The following EPC2 variants were observed in gnomAD, a reference collection of about 807,000 sequenced individuals.
EPC2 encodes enhancer of polycomb homolog 2.
A neutral mutation model predicts 92.1 loss-of-function variants in EPC2; 14 were observed. That is an observed-to-expected ratio of 0.15 (90% CI 0.10 to 0.24). EPC2 has a LOEUF of 0.24. EPC2 is among the 10% of genes least tolerant of loss of function. The pLI, the probability that EPC2 is intolerant of heterozygous loss-of-function variation, is 1.00. For missense variants in EPC2, 755 were observed against 971.5 expected, an observed-to-expected ratio of 0.78 and a Z score of 2.96; for synonymous variants, 340 against 334.7, an observed-to-expected ratio of 1.02 and a Z score of -0.17.
At chr2:148,673,575 A>G (rs1298608637) in intron 1 of EPC2, among the ~76,000 whole-genome samples, 1 of 151,962 alleles carries the variant, frequency 6.6e-6, no homozygotes, top group Non-Finnish European at 1.5e-5. Flanking sequence ...TTATACATTA[A>G]TCATTTTTCT....
intron 1 of EPC2, among the ~76,000 whole-genome samples, chr2:148,688,341 A>G (rs528010240): frequency 6.6e-6 from 1 of 152,220 alleles, no homozygotes; most frequent in South Asian, 2.1e-4. Flanking sequence ...GTGCTCACTC[A>G]TAGGTGGGAA....
chr2:148,662,768 G>A (rs1354052931), intron 1 of EPC2, among the ~76,000 whole-genome samples: 5 of 151,720 alleles, frequency 3.3e-5, no homozygotes, highest in East Asian at 1.9e-4. Flanking sequence ...ACATACATAC[G>A]TAACAAACCT....
At position 148,762,770 on chromosome 2, in the gene EPC2, A is replaced by T. The variant is rs974354447; in HGVS notation, c.916A>T (p.Asn306Tyr). 1 of 1,609,474 alleles carries T rather than the reference A, an allele frequency of 6.2e-7. No individual in the cohort carries two copies. Among genetic ancestry groups the T allele is most frequent in the Non-Finnish European group, 8.5e-7 (1 of 1,178,512 alleles). ...YATPATLHNGNHHKVQECKTK... is the reference protein window; with the variant it reads ...YATPATLHNGYHHKVQECKTK... ...CACTCCAGCAACTCTTCATAATGGA[A>T]ATCATCACAAAGTTCAAGAATGTAA... The change falls in exon 6 of 14, where the codon AAT (asparagine) becomes TAT (tyrosine). Residue 306 changes from asparagine to tyrosine, a missense_variant. Physicochemically the swap from Asn to Tyr is moderately radical, Grantham distance 143 (BLOSUM62 -2). This residue lies in a region of EPC2 where 509 missense variants were observed against 607.7 expected (regional missense o/e 0.84). Coordinates refer to ENST00000258484, the MANE Select transcript of EPC2 (RefSeq NM_015630.4).
chr2:148,780,638 C>G (rs908998908), intron 10 of EPC2, among the ~76,000 whole-genome samples: 1 of 152,074 alleles, frequency 6.6e-6, no homozygotes, highest in Non-Finnish European at 1.5e-5. Context: ...CTTATTTTCC[C>G]CTATATTCAC....
intron 1 of EPC2, among the ~76,000 whole-genome samples, chr2:148,646,997 C>G (rs149302025): frequency 0.014 from 2,106 of 152,124 alleles, 27 homozygotes; most frequent in Non-Finnish European, 0.02. Context: ...GTAATACCAG[C>G]TACTCGGGAG....
At chr2:148,703,506 G>C (rs1681929657) in intron 2 of EPC2, among the ~76,000 whole-genome samples, 1 of 151,988 alleles carries the variant, frequency 6.6e-6, no homozygotes, top group African/African-American at 2.4e-5. Context: ...AGTGAGGCCT[G>C]AAAAATGAGG....
rs1683895959 is a variant in EPC2 at position 148,787,553 on chromosome 2, A to G, written c.*1176A>G. 1 of 152,670 alleles carries G rather than the reference A, an allele frequency of 6.6e-6. No homozygotes were observed. Among genetic ancestry groups the G allele is most frequent in the Admixed American group, 6.5e-5 (1 of 15,280 alleles). The allele number at this position is 152,670 out of a possible 1,614,324, so 9.5% of individuals were successfully genotyped here. A position where few individuals can be genotyped will look rare whatever the true frequency, so the allele number is the denominator to read the frequency against. ...AGTGAAAACTGCAGGGAAATAAAAA[A>G]TACATATCAAAACATGGACATGCTG... On this transcript the variant is annotated 3_prime_UTR_variant, in exon 14 of 14. Transcript: ENST00000258484.
At chr2:148,658,779 C>CT (rs1680870801) in intron 1 of EPC2, among the ~76,000 whole-genome samples, 1 of 151,578 alleles carries the variant, frequency 6.6e-6, no homozygotes, top group African/African-American at 2.4e-5. Context: ...ATATTACTTA[C>CT]TACTTATGCA....
intron 4 of EPC2, among the ~76,000 whole-genome samples, chr2:148,756,020 T>C (rs1344921808): frequency 1.3e-5 from 2 of 152,262 alleles, no homozygotes; most frequent in African/African-American, 2.4e-5. Flanking sequence ...GGGTATGGAA[T>C]ACTTAAGATT....
chr2:148,766,037 AAAAC>A (rs964997831), intron 7 of EPC2, among the ~76,000 whole-genome samples: 6 of 152,246 alleles, frequency 3.9e-5, no homozygotes, highest in Admixed American at 1.3e-4. Context: ...CGACGTCTCA[AAAAC>A]AAACAAGCAA....
At position 148,762,725 on chromosome 2, in the gene EPC2, T is replaced by C. The variant is rs1467752391; in HGVS notation, c.871T>C (p.Ser291Pro). The change falls in exon 6 of 14, where the codon TCA (serine) becomes CCA (proline). Residue 291 changes from serine (S) to proline (P), a missense_variant. This residue lies in a region of EPC2 where 509 missense variants were observed against 607.7 expected (regional missense o/e 0.84). Coordinates refer to ENST00000258484, the MANE Select transcript of EPC2 (RefSeq NM_015630.4). ...CCTTAATGAAGTAAAAATCAGTAGA[T>C]CAGAAAAAGAGTTATATGCCACTCC... is the stretch of plus-strand genomic sequence containing the variant. ...EILNEVKISR[S>P]EKELYATPAT... The C allele has an allele frequency of 1.7e-5, 28 of 1,610,472 alleles. No individual in the cohort carries two copies. The highest frequency in any genetic ancestry group is 2.4e-5 in the Non-Finnish European group (28 of 1,178,306).
chr2:148,738,579 A>C (rs951825615), intron 2 of EPC2, among the ~76,000 whole-genome samples: 1 of 152,232 alleles, frequency 6.6e-6, no homozygotes, highest in Non-Finnish European at 1.5e-5. Context: ...TTGTGTAAAT[A>C]ACCAGAGAAA....
rs369718426 is a variant in EPC2 at position 148,778,128 on chromosome 2, T to C, written c.1721-3516T>C. Among the ~76,000 whole-genome samples, 14 of 152,264 alleles carry C rather than the reference T, an allele frequency of 9.2e-5. No individual in the cohort carries two copies. The East Asian group carries it at 2.7e-3, about 29-fold the overall frequency. ...CTCCTACCTTCACAAAACAATCAGA[T>C]TTATGGTTACTTTTAAATTGATGAG... On this transcript the variant is annotated intron_variant, in intron 10 of 13. Coordinates refer to ENST00000258484, the MANE Select transcript of EPC2 (RefSeq NM_015630.4).
chr2:148,668,234 A>C (rs1204730495), intron 1 of EPC2, among the ~76,000 whole-genome samples: 1 of 152,090 alleles, frequency 6.6e-6, no homozygotes, highest in Non-Finnish European at 1.5e-5. Flanking sequence ...AAGCTTATTA[A>C]TATGGTAAGT....
At chr2:148,705,958 A>T (rs1408394836) in intron 2 of EPC2, among the ~76,000 whole-genome samples, 1 of 152,234 alleles carries the variant, frequency 6.6e-6, no homozygotes, top group Non-Finnish European at 1.5e-5. Context: ...AAAGGATCAC[A>T]GCTCCTCACC....
rs767184969 is a variant in EPC2 at position 148,771,066 on chromosome 2, A to G, written c.1399A>G (p.Thr467Ala). ...CAGGGTCATAATGGACCGAATATCC[A>G]CAGAACATGACCCAGTCCTGAAACA... ...GGRVIMDRIS[T>A]EHDPVLKQID... Residue 467 changes from threonine (T) to alanine (A), a missense_variant, in exon 10 of 14, where the codon ACA (threonine) becomes GCA (alanine). Around this residue, in one of 4 missense-constraint regions of EPC2, gnomAD observed 509 missense variants for 607.7 expected, o/e 0.84. Transcript: ENST00000258484. 1.9e-6 allele frequency: 3 copies of G among 1,607,658 alleles called. No homozygotes were observed. Among genetic ancestry groups the G allele is most frequent in the South Asian group, 1.1e-5 (1 of 89,916 alleles).
chr2:148,786,407 A>T lies in EPC2; in HGVS notation c.*30A>T. 1 of 1,564,994 alleles carries T rather than the reference A, an allele frequency of 6.4e-7. No individual in the cohort carries two copies. The highest frequency in any genetic ancestry group is 8.7e-7 in the Non-Finnish European group (1 of 1,144,586). ...AAACACGTGGCTCTGACCTGTGCTG[A>T]TGGTGTGCAGTCATTCATATTCCAG... On this transcript the variant is annotated 3_prime_UTR_variant, in exon 14 of 14. Coordinates refer to ENST00000258484, the MANE Select transcript of EPC2 (RefSeq NM_015630.4).
intron 2 of EPC2, among the ~76,000 whole-genome samples, chr2:148,741,910 A>G (rs1187942822): frequency 6.6e-6 from 1 of 152,210 alleles, no homozygotes; most frequent in Non-Finnish European, 1.5e-5. Flanking sequence ...TTTCAAAAAT[A>G]TCCTGTGCAT....
intron 7 of EPC2, among the ~76,000 whole-genome samples, chr2:148,767,503 T>C (rs1340829904): frequency 6.6e-6 from 1 of 152,222 alleles, no homozygotes; most frequent in East Asian, 1.9e-4. Flanking sequence ...GAGTAAGTAT[T>C]AATGTTTACC....
Sources: allele counts gnomAD v4.1 joint callset (sites outside exome capture counted in the v4.1 genomes callset), GRCh38; gene constraint gnomAD v4.1.1; regional missense constraint gnomAD v4.1.1; transcripts MANE v1.5; gene names NCBI Gene and HGNC (gene_info 2026-07-23, HGNC 2026-07-21).